The following PRH1 variants were observed in gnomAD, a reference collection of about 807,000 sequenced individuals.
PRH1 encodes salivary acidic proline-rich phosphoprotein 1/2.
Under a neutral mutation model 7.9 loss-of-function variants are expected in PRH1, and 7 were observed. That is an observed-to-expected ratio of 0.89 (90% confidence interval 0.50 to 1.67). The LOEUF (loss-of-function observed/expected upper bound fraction) is 1.67. Ranked by LOEUF, PRH1 falls within the 40% of genes most tolerant of loss-of-function variation. The pLI, the probability that PRH1 is intolerant of heterozygous loss-of-function variation, is 0.00. For missense variants in PRH1, 109 were observed against 223.6 expected (o/e 0.49, Z 3.27); for synonymous variants, 45 against 80.8 (o/e 0.56, Z 2.38).
At chr12:10,973,620 A>G in intron 2 of PRH1, 2 of 768,966 alleles carry the variant, frequency 2.6e-6, no homozygotes, top group Non-Finnish European at 4.8e-6. Flanking sequence ...CTAGGTTTTC[A>G]TTTGATCCTG....
chr12:11,128,999 T>G (rs571305508), intron 1 of PRH1, among the ~76,000 whole-genome samples: 195 of 152,302 alleles, frequency 1.3e-3, no homozygotes, highest in African/African-American at 4.3e-3. Flanking sequence ...CATAGCCCAC[T>G]GCAGCCTGGA....
chr12:11,011,041 C>A (rs2136041767), intron 1 of PRH1, among the ~76,000 whole-genome samples: 1 of 151,944 alleles, frequency 6.6e-6, no homozygotes, highest in Non-Finnish European at 1.5e-5. Context: ...GATTGTTTAA[C>A]AACTCCTAAA....
chr12:10,967,155 A>AAGATCTGGG (rs1348458666), intron 2 of PRH1, among the ~76,000 whole-genome samples: 1 of 151,784 alleles, frequency 6.6e-6, no homozygotes, highest in Non-Finnish European at 1.5e-5. Flanking sequence ...AACCTTTGGA[A>AAGATCTGGG]AGATCTGGGT....
chr12:11,123,372 T>C (rs1335847827), intron 1 of PRH1, among the ~76,000 whole-genome samples: 2 of 151,892 alleles, frequency 1.3e-5, no homozygotes, highest in Non-Finnish European at 2.9e-5. Flanking sequence ...GATTATGATA[T>C]TCAAATTCTA....
At chr12:10,973,733 T>C (rs775486747) in intron 1 of PRH1, 1 of 779,072 alleles carries the variant, frequency 1.3e-6, no homozygotes, top group East Asian at 2.4e-5. Context: ...TAGGATAAGA[T>C]AAATAAAAGG....
intron 2 of PRH1, among the ~76,000 whole-genome samples, chr12:10,924,322 A>G (rs929049298): frequency 1.3e-5 from 2 of 152,312 alleles, no homozygotes; most frequent in African/African-American, 4.8e-5. Flanking sequence ...CTATTTTTAT[A>G]TAACAAATCA....
intron 1 of PRH1, among the ~76,000 whole-genome samples, chr12:11,054,595 TTGAA>T (rs1305274664): frequency 1.3e-5 from 2 of 152,106 alleles, no homozygotes; most frequent in Admixed American, 6.6e-5. Context: ...GGTATAATCT[TTGAA>T]TGGTAAAAAT....
intron 1 of PRH1, chr12:11,077,313 C>A: frequency 3.5e-6 from 1 of 284,700 alleles, no homozygotes. Context: ...CCTTGTGAAT[C>A]TATGGAGTTG....
intron 2 of PRH1, among the ~76,000 whole-genome samples, chr12:10,901,187 A>T (rs12313563): frequency 2.6e-4 from 40 of 152,264 alleles, no homozygotes; most frequent in African/African-American, 9.6e-4. Context: ...ATATCCAAGC[A>T]TTAAGAGCAC....
rs116614841 is a variant in PRH1, at chr12:11,077,809, G to A, written n.124-30621C>T. Reference sequence around the variant, plus strand: ...CACACTGTCATCCATGGTTATCACAGCAAGATTACAAATCAAAAATACCAA... The same window carrying A: ...CACACTGTCATCCATGGTTATCACAACAAGATTACAAATCAAAAATACCAA... On this transcript the variant is annotated intron_variant and non_coding_transcript_variant, in intron 1 of 4. Transcript: ENST00000541977. 8.9e-4 allele frequency: 977 copies of A among 1,101,742 alleles called. 37 individuals are homozygous for A. The African/African-American group carries it at 0.013, about 14-fold the overall frequency. The allele number at this position is 1,101,742 out of a possible 1,614,324, so 68.2% of individuals were successfully genotyped here.
At chr12:10,901,792 T>C (rs749890413) in intron 2 of PRH1, among the ~76,000 whole-genome samples, 1 of 143,284 alleles carries the variant, frequency 7.0e-6, no homozygotes, top group Non-Finnish European at 1.5e-5. Context: ...TCATACCTCC[T>C]AAGGAGGGAG....
chr12:11,020,345 G>T (rs1440454293), intron 1 of PRH1, among the ~76,000 whole-genome samples: 1 of 121,990 alleles, frequency 8.2e-6, no homozygotes, highest in African/African-American at 3.6e-5. Context: ...ATTGTACTAG[G>T]GAGGACGTAT....
intron 1 of PRH1, chr12:11,061,325 TG>T (rs1384318962): frequency 1.3e-6 from 2 of 1,571,984 alleles, no homozygotes; most frequent in Admixed American, 3.9e-5. Context: ...ATAACACGTT[TG>T]TTTTCTGCTA....
rs184549659 is a variant in PRH1, at chr12:11,104,634, T to C, written n.124-57446A>G. ...TTGGAGGACTTCTCAACTTTAGCTATTAAAACTCAGTGATATGCATGTGTA... is the reference window on the plus strand; with the variant it reads ...TTGGAGGACTTCTCAACTTTAGCTACTAAAACTCAGTGATATGCATGTGTA... On this transcript the variant is annotated intron_variant and non_coding_transcript_variant, in intron 1 of 4. Coordinates refer to the PRH1 transcript ENST00000541977. Among the ~76,000 whole-genome samples the C allele has an allele frequency of 8.5e-5, 13 of 152,318 alleles. No homozygotes were observed. The East Asian group carries it at 2.1e-3, about 25-fold the overall frequency.
intron 1 of PRH1, among the ~76,000 whole-genome samples, chr12:11,169,615 G>C (rs1156396797): frequency 8.1e-6 from 1 of 123,288 alleles, no homozygotes; most frequent in African/African-American, 2.8e-5. Flanking sequence ...TACATATTTG[G>C]AAATGAAAAA....
chr12:10,984,551 G>A (rs1291390618), intron 1 of PRH1, among the ~76,000 whole-genome samples: 1 of 151,948 alleles, frequency 6.6e-6, no homozygotes, highest in East Asian at 1.9e-4. Flanking sequence ...TTGTCTTTTA[G>A]GCCCTGGGAG....
chr12:11,084,680 T>TA (rs1944627069), intron 1 of PRH1, among the ~76,000 whole-genome samples: 1 of 146,878 alleles, frequency 6.8e-6, no homozygotes, highest in Non-Finnish European at 1.5e-5. Flanking sequence ...TTTTCTATTA[T>TA]GTTTCAGAAT....
chr12:11,046,158 C>A (rs1942891244), intron 1 of PRH1, among the ~76,000 whole-genome samples: 1 of 151,976 alleles, frequency 6.6e-6, no homozygotes, highest in Non-Finnish European at 1.5e-5. Flanking sequence ...GGAGTTAGAA[C>A]CAAGGTAGAA....
At chr12:11,058,691 C>T (rs1234873356) in intron 1 of PRH1, among the ~76,000 whole-genome samples, 2 of 38,482 alleles carry the variant, frequency 5.2e-5, no homozygotes, top group African/African-American at 9.8e-5. Flanking sequence ...CTGTTAGAGG[C>T]ATACATAGTG....
Sources: gnomAD v4.1 joint callset for allele counts (sites outside exome capture counted in the v4.1 genomes callset) on GRCh38, gnomAD v4.1.1 for gene constraint, MANE v1.5 for transcripts, NCBI Gene and HGNC (gene_info 2026-07-23, HGNC 2026-07-21) for gene names.